MAGI2: variants seen among roughly 807,000 people sequenced by gnomAD.
The protein encoded by MAGI2 is membrane-associated guanylate kinase, WW and PDZ domain-containing protein 2.
Under a neutral mutation model 133.3 loss-of-function variants are expected in MAGI2, and 35 were observed. The ratio of observed to expected loss-of-function variants is 0.26; its 90% CI spans 0.20 to 0.35. The LOEUF is 0.35. Among genes scored for constraint, MAGI2 ranks in the 10% least tolerant of loss-of-function variants. The probability of loss-of-function intolerance (pLI) is 1.00; values close to 1 mark genes in which losing one functional copy is unlikely to be tolerated. For missense variants in MAGI2, 1,636 were observed against 1,863.4 expected, an observed-to-expected ratio of 0.88 and a Z score of 2.25; for synonymous variants, 729 against 710.6, an observed-to-expected ratio of 1.03 and a Z score of -0.41.
At chr7:78,764,356 T>A (rs544118876) in intron 2 of MAGI2, among the ~76,000 whole-genome samples, 5 of 152,268 alleles carry the variant, frequency 3.3e-5, no homozygotes, top group African/African-American at 1.2e-4. Flanking sequence ...TAATGGGAAG[T>A]GAATTCCAGT....
At chr7:78,151,862 C>A (rs996004395) in intron 16 of MAGI2, among the ~76,000 whole-genome samples, 13 of 152,096 alleles carry the variant, frequency 8.5e-5, no homozygotes, top group Admixed American at 5.9e-4. Context: ...TAGGACAGAG[C>A]ACCAGTCACA....
intron 9 of MAGI2, among the ~76,000 whole-genome samples, chr7:78,329,395 T>C (rs1280818671): frequency 1.3e-5 from 2 of 152,218 alleles, no homozygotes; most frequent in African/African-American, 4.8e-5. Flanking sequence ...CTAAGATCTA[T>C]GACTTAGCTA....
At chr7:78,079,478 A>G (rs1815722924) in intron 20 of MAGI2, among the ~76,000 whole-genome samples, 1 of 152,184 alleles carries the variant, frequency 6.6e-6, no homozygotes, top group Non-Finnish European at 1.5e-5. Context: ...CATTGATTCT[A>G]TTGCCAACTG....
At chr7:78,812,602 G>C (rs1343686736) in intron 2 of MAGI2, among the ~76,000 whole-genome samples, 1 of 151,926 alleles carries the variant, frequency 6.6e-6, no homozygotes, top group Non-Finnish European at 1.5e-5. Flanking sequence ...GTGTGTGTGT[G>C]TGTGTGTGTG....
At chr7:78,882,083 CAACAAAAAA>C (rs1795897672) in intron 2 of MAGI2, among the ~76,000 whole-genome samples, 1 of 14,340 alleles carries the variant, frequency 7.0e-5, no homozygotes, top group African/African-American at 3.2e-4. Flanking sequence ...ACAACAACAA[CAACAAAAAA>C]AAAAAAAAAA....
intron 1 of MAGI2, among the ~76,000 whole-genome samples, chr7:79,446,958 A>T (rs930843059): frequency 7.2e-5 from 11 of 152,204 alleles, no homozygotes; most frequent in South Asian, 2.1e-4. Flanking sequence ...TCTCAAAAAA[A>T]AATAATAAAT....
intron 3 of MAGI2, among the ~76,000 whole-genome samples, chr7:78,533,501 T>G (rs1045700999): frequency 2.0e-5 from 3 of 152,192 alleles, no homozygotes; most frequent in Admixed American, 2.0e-4. Context: ...AGGAGACATT[T>G]TGGCCCAAAG....
rs570269392 is a variant in MAGI2, at chr7:78,690,095, T to A, written c.419-62856A>T. ...AACTTTCATTTGGCTTTAGACCATT[T>A]TCTTAGAAAAAAATCCCAAATATTT... On this transcript the variant is annotated intron_variant, in intron 2 of 21. Transcript: ENST00000354212. 5.3e-5 allele frequency among the ~76,000 whole-genome samples: 8 copies of A among 152,334 alleles called. No homozygotes were observed. The South Asian group carries it at 1.7e-3, about 32-fold the overall frequency.
At chr7:78,444,445 T>C (rs1787929912) in intron 6 of MAGI2, among the ~76,000 whole-genome samples, 1 of 152,030 alleles carries the variant, frequency 6.6e-6, no homozygotes, top group South Asian at 2.1e-4. Flanking sequence ...AAACCCACAC[T>C]CATACCCAGC....
At chr7:79,285,793 G>A (rs1446518054) in intron 1 of MAGI2, among the ~76,000 whole-genome samples, 4 of 152,074 alleles carry the variant, frequency 2.6e-5, no homozygotes, top group Non-Finnish European at 5.9e-5. Context: ...CCAAAGAGAG[G>A]TTGTCTTTTG....
intron 9 of MAGI2, among the ~76,000 whole-genome samples, chr7:78,321,122 A>G (rs1787958711): frequency 6.6e-6 from 1 of 152,236 alleles, no homozygotes; most frequent in Non-Finnish European, 1.5e-5. Context: ...ATCAGAGAGG[A>G]CACAAACAAA....
intron 2 of MAGI2, among the ~76,000 whole-genome samples, chr7:78,921,176 G>C (rs1039107356): frequency 6.6e-6 from 1 of 152,086 alleles, no homozygotes; most frequent in Non-Finnish European, 1.5e-5. Flanking sequence ...TCTCTCTGGG[G>C]AAGTGGAGGA....
chr7:79,147,905 G>A (rs1206093575), intron 1 of MAGI2, among the ~76,000 whole-genome samples: 1 of 152,154 alleles, frequency 6.6e-6, no homozygotes, highest in Non-Finnish European at 1.5e-5. Flanking sequence ...TATGTTCTGA[G>A]GGGTCAGAAC....
intron 21 of MAGI2, among the ~76,000 whole-genome samples, chr7:78,066,191 G>C (rs925868112): frequency 1.3e-5 from 2 of 152,120 alleles, no homozygotes; most frequent in Non-Finnish European, 2.9e-5. Context: ...GTCAGGCACG[G>C]TGGCTCATGC....
intron 1 of MAGI2, among the ~76,000 whole-genome samples, chr7:79,205,317 G>C (rs1367188210): frequency 6.6e-6 from 1 of 151,994 alleles, no homozygotes; most frequent in Non-Finnish European, 1.5e-5. Flanking sequence ...AGGAGAAAGT[G>C]AGGTGAAATA....
chr7:78,773,033 G>A (rs1243154242), intron 2 of MAGI2, among the ~76,000 whole-genome samples: 1 of 152,082 alleles, frequency 6.6e-6, no homozygotes, highest in Non-Finnish European at 1.5e-5. Flanking sequence ...TGGCCATGGA[G>A]TCACTTTCCT....
At chr7:79,321,435 A>G (rs1839172027) in intron 1 of MAGI2, among the ~76,000 whole-genome samples, 2 of 148,836 alleles carry the variant, frequency 1.3e-5, no homozygotes, top group African/African-American at 5.0e-5. Context: ...AATATTTAAT[A>G]AAACTTGCTG....
intron 10 of MAGI2, among the ~76,000 whole-genome samples, chr7:78,213,018 A>C (rs1024437143): frequency 6.6e-6 from 1 of 152,212 alleles, no homozygotes; most frequent in Non-Finnish European, 1.5e-5. Flanking sequence ...TGGAAGGAGA[A>C]GCCTGGATCT....
chr7:78,844,017 T>G (rs953315355), intron 2 of MAGI2, among the ~76,000 whole-genome samples: 15 of 148,530 alleles, frequency 1.0e-4, no homozygotes, highest in African/African-American at 3.2e-4. Context: ...TTATTATTTC[T>G]GTGGCAGAAA....
Sources: allele counts gnomAD v4.1 joint callset (sites outside exome capture counted in the v4.1 genomes callset), GRCh38; gene constraint gnomAD v4.1.1; transcripts MANE v1.5; gene names NCBI Gene and HGNC (gene_info 2026-07-23, HGNC 2026-07-21).